RBFOX1: variants seen among roughly 807,000 people sequenced by gnomAD.
RBFOX1 encodes the protein RNA binding fox-1 homolog 1.
Under a neutral mutation model 57.7 loss-of-function variants are expected in RBFOX1, and 8 were observed. The ratio of observed to expected loss-of-function variants is 0.14; its 90% confidence interval spans 0.08 to 0.25. The LOEUF is 0.25. Among genes scored for constraint, RBFOX1 ranks in the 10% least tolerant of loss-of-function variants. RBFOX1 has a pLI of 1.00. For synonymous variants in RBFOX1, 326 were observed against 222.4 expected (o/e 1.47, Z -4.15); for missense variants, 611 against 548.5 (o/e 1.11, Z -1.14).
chr16:6,693,302 C>T (rs1056337529), intron 3 of RBFOX1, among the ~76,000 whole-genome samples: 1 of 151,144 alleles, frequency 6.6e-6, no homozygotes, highest in African/African-American at 2.4e-5. Context: ...CATCATCTTC[C>T]TCCACTACCA....
chr16:6,743,010 T>C (rs1429354536), intron 3 of RBFOX1, among the ~76,000 whole-genome samples: 1 of 152,156 alleles, frequency 6.6e-6, no homozygotes, highest in African/African-American at 2.4e-5. Flanking sequence ...TATAGTTGCA[T>C]AAGATGTAAC....
At chr16:6,556,855 G>A (rs1263476700) in intron 2 of RBFOX1, among the ~76,000 whole-genome samples, 1 of 151,850 alleles carries the variant, frequency 6.6e-6, no homozygotes, top group Admixed American at 6.6e-5. Flanking sequence ...GGCAAGACTG[G>A]TGACTGTCTT....
chr16:7,307,857 G>C (rs1457435406), intron 4 of RBFOX1, among the ~76,000 whole-genome samples: 3 of 152,186 alleles, frequency 2.0e-5, no homozygotes, highest in Admixed American at 2.0e-4. Flanking sequence ...TTGCTGTCCA[G>C]GGAAAGTCCC....
intron 2 of RBFOX1, among the ~76,000 whole-genome samples, chr16:6,529,701 C>T (rs1598988117): frequency 6.6e-6 from 1 of 151,970 alleles, no homozygotes; most frequent in East Asian, 1.9e-4. Flanking sequence ...TGATTTATTG[C>T]TAAATAATTG....
chr16:6,864,562 T>G (rs2059581620), intron 3 of RBFOX1, among the ~76,000 whole-genome samples: 1 of 151,498 alleles, frequency 6.6e-6, no homozygotes, highest in South Asian at 2.1e-4. Context: ...TTTTTTTTTT[T>G]TAATCATGGC....
At chr16:5,978,563 T>C (rs1284460910) in intron 4 of RBFOX1, among the ~76,000 whole-genome samples, 1 of 152,238 alleles carries the variant, frequency 6.6e-6, no homozygotes, top group African/African-American at 2.4e-5. Context: ...CACCTGTTTC[T>C]ATTCCAAATC....
chr16:7,487,565 C>G (rs1223044527), intron 4 of RBFOX1, among the ~76,000 whole-genome samples: 1 of 152,164 alleles, frequency 6.6e-6, no homozygotes, highest in East Asian at 1.9e-4. Flanking sequence ...TTTCAGAATT[C>G]TCATCTGCCA....
chr16:6,803,217 C>A (rs1014827624), intron 3 of RBFOX1, among the ~76,000 whole-genome samples: 4 of 152,056 alleles, frequency 2.6e-5, no homozygotes, highest in African/African-American at 9.7e-5. Flanking sequence ...GTTCACTTGA[C>A]CCTCATTGCC....
rs181694949 is a variant in RBFOX1 at position 7,442,859 on chromosome 16, A to T, written c.28-75288A>T. ...TTTTTTCTGATTCAGGACCTGGCCT[A>T]TGGCCCCTGAGAAGGATTTATCTGA... On this transcript the variant is annotated intron_variant, in intron 4 of 15. Coordinates refer to ENST00000550418, the MANE Select transcript of RBFOX1 (RefSeq NM_018723.4). 7.2e-4 allele frequency among the ~76,000 whole-genome samples: 110 copies of T among 152,202 alleles called. 1 individual carries two copies. The highest frequency in any genetic ancestry group is 3.4e-3 in the Middle Eastern group (1 of 292).
In RBFOX1 at chr16:7,623,278, T is replaced by C. The variant is rs1175026616; in HGVS notation, c.677-7325T>C. 2.6e-4 allele frequency among the ~76,000 whole-genome samples: 39 copies of C among 152,234 alleles called. 3 individuals are homozygous for C. Among genetic ancestry groups the C allele is most frequent in the Admixed American group, 2.6e-3 (39 of 15,282 alleles). ...TCGGGTAGCAGGGATGGTTTCAGGA[T>C]GATTCCAGTGCATTTCTTGTGTACC... On this transcript the variant is annotated intron_variant, in intron 10 of 15. Coordinates refer to ENST00000550418, the MANE Select transcript of RBFOX1 (RefSeq NM_018723.4).
chr16:6,499,694 A>G (rs2095861548), intron 2 of RBFOX1, among the ~76,000 whole-genome samples: 1 of 152,002 alleles, frequency 6.6e-6, no homozygotes, highest in African/African-American at 2.4e-5. Flanking sequence ...CCAGAGTCCT[A>G]TGTTGGCTGG....
intron 2 of RBFOX1, among the ~76,000 whole-genome samples, chr16:6,584,853 C>T (rs971945616): frequency 1.3e-5 from 2 of 152,150 alleles, no homozygotes; most frequent in African/African-American, 2.4e-5. Flanking sequence ...TCATGCTGAG[C>T]TATTGTTTCA....
At chr16:5,444,988 C>T (rs2068198163) in intron 1 of RBFOX1, among the ~76,000 whole-genome samples, 1 of 152,222 alleles carries the variant, frequency 6.6e-6, no homozygotes, top group Non-Finnish European at 1.5e-5. Flanking sequence ...AATCAACACC[C>T]TGTCATCTTC....
At chr16:5,962,596 C>G (rs2059770770) in intron 4 of RBFOX1, among the ~76,000 whole-genome samples, 1 of 152,148 alleles carries the variant, frequency 6.6e-6, no homozygotes, top group African/African-American at 2.4e-5. Flanking sequence ...AATTCTACCT[C>G]ATTCATAGTC....
At chr16:7,081,605 A>G (rs1431595597) in intron 4 of RBFOX1, among the ~76,000 whole-genome samples, 2 of 152,150 alleles carry the variant, frequency 1.3e-5, no homozygotes, top group Non-Finnish European at 2.9e-5. Context: ...TTGTTCATTG[A>G]CTCAGTACAA....
chr16:7,583,280 C>A (rs2093916690), intron 6 of RBFOX1, among the ~76,000 whole-genome samples: 1 of 151,774 alleles, frequency 6.6e-6, no homozygotes, highest in Admixed American at 6.6e-5. Flanking sequence ...CTGTTCTGTG[C>A]AGTGGCATTG....
At chr16:5,991,886 T>A (rs768408911) in intron 4 of RBFOX1, among the ~76,000 whole-genome samples, 8 of 152,136 alleles carry the variant, frequency 5.3e-5, no homozygotes, top group Non-Finnish European at 1.2e-4. Context: ...ACCTGAGCAA[T>A]GGAAGGCATT....
chr16:5,719,601 C>G (rs2051852719), intron 3 of RBFOX1, among the ~76,000 whole-genome samples: 1 of 152,090 alleles, frequency 6.6e-6, no homozygotes, highest in Non-Finnish European at 1.5e-5. Context: ...AATTACTAAT[C>G]AATTTTCTGT....
chr16:6,661,003 G>A (rs915355281), intron 3 of RBFOX1, among the ~76,000 whole-genome samples: 1 of 152,136 alleles, frequency 6.6e-6, no homozygotes, highest in African/African-American at 2.4e-5. Context: ...AAGAGGCAGA[G>A]GAGTGATTGT....
Sources: allele counts gnomAD v4.1 joint callset (sites outside exome capture counted in the v4.1 genomes callset), GRCh38; gene constraint gnomAD v4.1.1; transcripts MANE v1.5; gene names NCBI Gene and HGNC (gene_info 2026-07-23, HGNC 2026-07-21).